TASP1: variants seen among roughly 807,000 people sequenced by gnomAD.
TASP1 encodes threonine aspartase 1.
Under a neutral mutation model 56.6 loss-of-function variants are expected in TASP1, and 16 were observed. The ratio of observed to expected loss-of-function variants is 0.28; its 90% confidence interval spans 0.19 to 0.43. The LOEUF (loss-of-function observed/expected upper bound fraction) is 0.43, where lower values mean the gene tolerates loss of function less well. Among genes scored for constraint, TASP1 ranks in the 20% least tolerant of loss-of-function variants. TASP1 has a pLI of 1.00. For synonymous variants in TASP1, 179 were observed against 184.2 expected (o/e 0.97, Z 0.23); for missense variants, 393 against 511.6 (o/e 0.77, Z 2.24).
the TASP1 span, among the ~76,000 whole-genome samples, chr20:13,354,659 C>T: frequency 5.3e-5 from 8 of 152,086 alleles, no homozygotes; most frequent in East Asian, 3.9e-4. Context: ...GGAAAAAGTG[C>T]GCCAAGAAAA....
At chr20:13,567,450 A>G (rs1019439959) in intron 7 of TASP1, among the ~76,000 whole-genome samples, 1 of 152,142 alleles carries the variant, frequency 6.6e-6, no homozygotes, top group Admixed American at 6.5e-5. Context: ...TTCGGAAAAT[A>G]AAATACAGAA....
intron 12 of TASP1, among the ~76,000 whole-genome samples, chr20:13,420,980 A>G (rs1390126235): frequency 6.6e-6 from 1 of 152,156 alleles, no homozygotes; most frequent in Non-Finnish European, 1.5e-5. Flanking sequence ...CAAACACCAA[A>G]TAACTCTTAA....
the TASP1 span, among the ~76,000 whole-genome samples, chr20:13,108,258 A>G: frequency 6.6e-6 from 1 of 152,224 alleles, no homozygotes; most frequent in Non-Finnish European, 1.5e-5. Flanking sequence ...GATAATTAAA[A>G]AGAAACACAC....
chr20:13,255,632 G>A, the TASP1 span, among the ~76,000 whole-genome samples: 6 of 152,088 alleles, frequency 3.9e-5, no homozygotes, highest in South Asian at 2.1e-4. Flanking sequence ...AAAGAAGTGC[G>A]ACACTAGGGC....
rs2043739319 is a variant in TASP1, at chr20:13,454,187, T to G, written c.986-19033A>C. Among the ~76,000 whole-genome samples the G allele has an allele frequency of 2.0e-5, 3 of 152,000 alleles. No homozygotes were observed. The South Asian group carries it at 6.2e-4, about 31-fold the overall frequency. On this transcript the variant is annotated intron_variant, in intron 11 of 13. Coordinates refer to ENST00000337743, the MANE Select transcript of TASP1 (RefSeq NM_017714.3). ...TGTCTGCATTTCATCCTCTTTTCAG[T>G]GGAGGGCCATCAAAGGGATAAGACA... is the stretch of plus-strand genomic sequence containing the variant.
chr20:13,252,489 A>G, the TASP1 span, among the ~76,000 whole-genome samples: 25 of 152,238 alleles, frequency 1.6e-4, no homozygotes, highest in Admixed American at 1.6e-3. Flanking sequence ...AGTGGCTCAC[A>G]CCTGTAATCC....
chr20:13,182,546 T>A, the TASP1 span, among the ~76,000 whole-genome samples: 1 of 152,198 alleles, frequency 6.6e-6, no homozygotes. Context: ...AACCTCCTCA[T>A]GATCCAGAAG....
chr20:13,459,275 T>C (rs1402700976), intron 11 of TASP1, among the ~76,000 whole-genome samples: 2 of 152,142 alleles, frequency 1.3e-5, no homozygotes, highest in Admixed American at 1.3e-4. Context: ...GAACCTCACT[T>C]GCAAGAATCT....
intron 5 of TASP1, 35 bp from the exon 6 acceptor site, chr20:13,581,016 G>A: frequency 6.4e-7 from 1 of 1,561,752 alleles, no homozygotes; most frequent in South Asian, 1.2e-5. Flanking sequence ...CAAAAAAGAT[G>A]TCAGAAATGT....
the TASP1 span, among the ~76,000 whole-genome samples, chr20:13,320,118 A>C: frequency 6.6e-6 from 1 of 152,214 alleles, no homozygotes; most frequent in Non-Finnish European, 1.5e-5. Flanking sequence ...TCCTGTGAGA[A>C]GCAATCTATA....
chr20:13,342,045 T>G, the TASP1 span, among the ~76,000 whole-genome samples: 7 of 152,182 alleles, frequency 4.6e-5, no homozygotes, highest in Non-Finnish European at 1.0e-4. Context: ...TCAAAGCAAG[T>G]CCCAGGCCAG....
chr20:13,615,895 T>C (rs983898091), intron 4 of TASP1, among the ~76,000 whole-genome samples: 3 of 152,170 alleles, frequency 2.0e-5, no homozygotes, highest in African/African-American at 7.2e-5. Flanking sequence ...AAAAAAAACT[T>C]AAAATCAAAA....
intron 10 of TASP1, among the ~76,000 whole-genome samples, chr20:13,493,388 A>G (rs1043702955): frequency 6.6e-6 from 1 of 152,204 alleles, no homozygotes; most frequent in Non-Finnish European, 1.5e-5. Context: ...ACTGGCTGCC[A>G]GCACAGCAAA....
chr20:13,335,981 A>C, the TASP1 span, among the ~76,000 whole-genome samples: 1 of 152,232 alleles, frequency 6.6e-6, no homozygotes, highest in East Asian at 1.9e-4. Flanking sequence ...GTTCTCTGAG[A>C]GTCTAAGACA....
chr20:13,459,942 T>C (rs981893317), intron 11 of TASP1, among the ~76,000 whole-genome samples: 4 of 152,132 alleles, frequency 2.6e-5, no homozygotes, highest in Admixed American at 1.3e-4. Flanking sequence ...TTCTCATCTA[T>C]AGAAAAACAT....
At chr20:13,306,564 C>CAA in the TASP1 span, among the ~76,000 whole-genome samples, 10,453 of 63,674 alleles carry the variant, frequency 0.16, 1,099 homozygotes, top group East Asian at 0.35. Flanking sequence ...GGAGAAAGGA[C>CAA]AAAAAAAAAA....
chr20:13,124,160 C>A, the TASP1 span, among the ~76,000 whole-genome samples: 2 of 152,186 alleles, frequency 1.3e-5, no homozygotes, highest in African/African-American at 4.8e-5. Context: ...AAAGAATCAT[C>A]AGAAACTTAA....
At chr20:13,121,118 C>G in the TASP1 span, among the ~76,000 whole-genome samples, 1 of 152,138 alleles carries the variant, frequency 6.6e-6, no homozygotes, top group Non-Finnish European at 1.5e-5. Flanking sequence ...TGCCGAAGAC[C>G]CCAAACTTTT....
At chr20:13,637,531 T>C (rs1352727239) in intron 1 of TASP1, among the ~76,000 whole-genome samples, 4 of 152,238 alleles carry the variant, frequency 2.6e-5, no homozygotes, top group African/African-American at 9.6e-5. Flanking sequence ...TGTGGCATAT[T>C]CACACAATGG....
Sources: gnomAD v4.1 joint callset for allele counts (sites outside exome capture counted in the v4.1 genomes callset) on GRCh38, gnomAD v4.1.1 for gene constraint, MANE v1.5 for transcripts, NCBI Gene and HGNC (gene_info 2026-07-23, HGNC 2026-07-21) for gene names.